Variants in NUFIP1 observed in about 807,000 individuals in gnomAD.
NUFIP1 encodes the protein nuclear FMR1 interacting protein 1.
Under a neutral mutation model 56.2 loss-of-function variants are expected in NUFIP1, and 38 were observed. The observed-to-expected ratio is 0.68, with a 90% confidence interval of 0.52 to 0.89. The LOEUF is 0.89. NUFIP1 is among the 40% of genes least tolerant of loss of function. NUFIP1 has a pLI of 0.00. For synonymous variants in NUFIP1, 215 were observed against 212.4 expected (o/e 1.01, Z -0.10); for missense variants, 567 against 605.8 (o/e 0.94, Z 0.67).
At chr13:44,984,282 T>C (rs1327067349) in intron 1 of NUFIP1, among the ~76,000 whole-genome samples, 3 of 152,222 alleles carry the variant, frequency 2.0e-5, no homozygotes, top group Admixed American at 6.5e-5. Flanking sequence ...TTTTGATTCA[T>C]ACTTATAACA....
Position 44,989,467 on chromosome 13 carries a change from A to T in NUFIP1, c.-31T>A. On this transcript the variant is annotated 5_prime_UTR_variant, in exon 1 of 10. Coordinates refer to ENST00000379161, the MANE Select transcript of NUFIP1 (RefSeq NM_012345.3). ...TGGCGGGTCCGGAGTCTAGCACGCGACTGTGGAGCAAGCATTAGGCGTCAC... is the reference window on the plus strand; with the variant it reads ...TGGCGGGTCCGGAGTCTAGCACGCGTCTGTGGAGCAAGCATTAGGCGTCAC... The T allele has an allele frequency of 6.2e-7, 1 of 1,609,176 alleles. No homozygotes were observed. The highest frequency in any genetic ancestry group is 1.1e-5 in the South Asian group (1 of 90,530).
At chr13:44,958,153 T>C (rs1871306989) in intron 7 of NUFIP1, among the ~76,000 whole-genome samples, 1 of 152,210 alleles carries the variant, frequency 6.6e-6, no homozygotes, top group African/African-American at 2.4e-5. Context: ...ACTTCATATT[T>C]AGAGGATGTG....
chr13:44,952,041 T>A (rs1871098833), intron 7 of NUFIP1, among the ~76,000 whole-genome samples: 1 of 152,198 alleles, frequency 6.6e-6, no homozygotes, highest in Admixed American at 6.5e-5. Flanking sequence ...GTCACCTTAT[T>A]AGAGATGCCT....
intron 1 of NUFIP1, 81 bp downstream of exon 1, chr13:44,988,944 G>C: frequency 7.1e-7 from 1 of 1,416,260 alleles, no homozygotes; most frequent in South Asian, 1.3e-5. Context: ...AGGCAGAGTA[G>C]AGAGAGGAAG....
At chr13:44,965,587 G>A (rs559620798) in intron 6 of NUFIP1, among the ~76,000 whole-genome samples, 48 of 152,214 alleles carry the variant, frequency 3.2e-4, no homozygotes, top group African/African-American at 1.1e-3. Context: ...CCAGCTACTC[G>A]GGAGGTTGAG....
intron 9 of NUFIP1, among the ~76,000 whole-genome samples, chr13:44,941,614 C>T (rs573410131): frequency 1.3e-5 from 2 of 150,438 alleles, no homozygotes; most frequent in African/African-American, 2.4e-5. Flanking sequence ...CCCGGGTTCA[C>T]GCCATTCTCC....
At chr13:44,987,401 G>C (rs908988232) in intron 1 of NUFIP1, among the ~76,000 whole-genome samples, 2 of 151,878 alleles carry the variant, frequency 1.3e-5, no homozygotes, top group Non-Finnish European at 2.9e-5. Flanking sequence ...AATAAATAAA[G>C]TGCCCAGATT....
chr13:44,947,742 T>C (rs1283780110), intron 8 of NUFIP1, among the ~76,000 whole-genome samples: 1 of 152,176 alleles, frequency 6.6e-6, no homozygotes, highest in Non-Finnish European at 1.5e-5. Flanking sequence ...TGGTAATAGT[T>C]TTCTTTGCTA....
chr13:44,985,130 T>C (rs1593372245), intron 1 of NUFIP1, among the ~76,000 whole-genome samples: 1 of 152,220 alleles, frequency 6.6e-6, no homozygotes, highest in South Asian at 2.1e-4. Context: ...ATATGATCTA[T>C]ATGGTGTCAA....
chr13:44,977,520 G>A (rs1872023595), intron 5 of NUFIP1, among the ~76,000 whole-genome samples: 1 of 152,092 alleles, frequency 6.6e-6, no homozygotes, highest in Admixed American at 6.5e-5. Flanking sequence ...CTGGCACTCT[G>A]GTAGCACTGA....
intron 7 of NUFIP1, among the ~76,000 whole-genome samples, chr13:44,953,484 C>CATTT (rs1244201656): frequency 6.6e-6 from 1 of 152,002 alleles, no homozygotes; most frequent in Non-Finnish European, 1.5e-5. Flanking sequence ...TCCTCCCCCA[C>CATTT]ATTTATTTAT....
intron 6 of NUFIP1, among the ~76,000 whole-genome samples, chr13:44,962,147 T>C (rs955953259): frequency 6.6e-6 from 1 of 152,162 alleles, no homozygotes; most frequent in Non-Finnish European, 1.5e-5. Context: ...AACCCAACTA[T>C]ATTAGGAATT....
At chr13:44,987,416 G>A (rs554441375) in intron 1 of NUFIP1, among the ~76,000 whole-genome samples, 1 of 152,126 alleles carries the variant, frequency 6.6e-6, no homozygotes, top group Admixed American at 6.5e-5. Context: ...CAGATTATAG[G>A]TGTGAGCTAC....
intron 5 of NUFIP1, among the ~76,000 whole-genome samples, chr13:44,966,591 A>C (rs1871610243): frequency 6.6e-6 from 1 of 152,132 alleles, no homozygotes; most frequent in Admixed American, 6.6e-5. Context: ...CTGGGATTAC[A>C]GGCGTGAACC....
chr13:44,941,417 G>A, intron 9 of NUFIP1, 95 bp from the exon 10 acceptor site: 1 of 666,164 alleles, frequency 1.5e-6, no homozygotes, highest in South Asian at 2.1e-5. Flanking sequence ...ATATAAAGAA[G>A]ACAGAACAAT....
In NUFIP1 at chr13:44,959,512, T is replaced by C; in HGVS notation, c.890A>G (p.His297Arg). The change falls in exon 7 of 10, where the codon CAC (histidine) becomes CGC (arginine). Residue 297 changes from histidine (H) to arginine (R), a missense_variant. His to Arg is a conservative substitution (Grantham distance 29). Coordinates refer to ENST00000379161, the MANE Select transcript of NUFIP1 (RefSeq NM_012345.3). Reference protein sequence around the residue: ...MAKIRSPGKNHKWKNDNSRQR... With the variant: ...MAKIRSPGKNRKWKNDNSRQR... ...TCTAGAATTGTCGTTTTTCCATTTGTGATTCTTGCCAGGACTTCTGATCTT... is the reference window on the plus strand; with the variant it reads ...TCTAGAATTGTCGTTTTTCCATTTGCGATTCTTGCCAGGACTTCTGATCTT... 1 of 1,614,156 alleles carries C rather than the reference T, an allele frequency of 6.2e-7. No individual in the cohort carries two copies. Among genetic ancestry groups the C allele is most frequent in the Non-Finnish European group, 8.5e-7 (1 of 1,180,022 alleles).
At chr13:44,974,159 T>C in intron 5 of NUFIP1, among the ~76,000 whole-genome samples, 1 of 152,216 alleles carries the variant, frequency 6.6e-6, no homozygotes, top group East Asian at 1.9e-4. Flanking sequence ...AAACTTCTCT[T>C]TGGTCAAGTC....
intron 9 of NUFIP1, among the ~76,000 whole-genome samples, chr13:44,942,174 T>C (rs1593355272): frequency 6.6e-6 from 1 of 152,356 alleles, no homozygotes; most frequent in Admixed American, 6.5e-5. Context: ...TATTTACATG[T>C]AACAATGAAA....
Position 44,941,209 on chromosome 13 carries a change from T to C in NUFIP1, c.1485A>G (p.Val495=), listed in dbSNP as rs747793372. 2.6e-6 allele frequency: 4 copies of C among 1,523,366 alleles called. No homozygotes were observed. In the Admixed American group the frequency reaches 5.1e-5, roughly 20 times the overall value. The allele number at this position is 1,523,366 out of a possible 1,614,324, so 94.4% of individuals were successfully genotyped here. The change falls in exon 10 of 10, where the codon GTA becomes GTG. Residue 495 remains valine, a synonymous_variant. Coordinates refer to ENST00000379161, the MANE Select transcript of NUFIP1 (RefSeq NM_012345.3). Reference sequence around the variant, plus strand: ...TGTATGCTGAAACACCAGATGCCTATACATCTTTACTTTTCGCAGAATTAG... The same window carrying C: ...TGTATGCTGAAACACCAGATGCCTACACATCTTTACTTTTCGCAGAATTAG... ...LDTNSAKSKD[V]
Sources: allele counts gnomAD v4.1 joint callset (sites outside exome capture counted in the v4.1 genomes callset), GRCh38; gene constraint gnomAD v4.1.1; transcripts MANE v1.5; gene names NCBI Gene and HGNC (gene_info 2026-07-23, HGNC 2026-07-21).